Variants in SLC25A26 observed in about 807,000 individuals in gnomAD.
SLC25A26 encodes mitochondrial S-adenosylmethionine carrier protein.
SLC25A26 carries 36 observed loss-of-function variants against 37.8 expected under a neutral mutation model. That is an observed-to-expected ratio of 0.95 (90% CI 0.73 to 1.26). SLC25A26 has a LOEUF of 1.26. Among genes scored for constraint, SLC25A26 ranks in the 50% most tolerant of loss-of-function variants. The probability of loss-of-function intolerance (pLI) is 0.00; values close to 1 mark genes in which losing one functional copy is unlikely to be tolerated. For missense variants in SLC25A26, 390 were observed against 331.1 expected (o/e 1.18, Z -1.38); for synonymous variants, 129 against 122.5 (o/e 1.05, Z -0.35).
rs570007177 is a variant in SLC25A26, at chr3:66,275,048, A to G, written c.453+11669A>G. 6.6e-5 allele frequency among the ~76,000 whole-genome samples: 10 copies of G among 152,262 alleles called. No homozygotes were observed. In the East Asian group the frequency reaches 1.9e-3, roughly 29 times the overall value. ...TGGATTAAGAAAATGTGGCACATAT[A>G]CACCATGGAATACTACGCAGCCATA... On this transcript the variant is annotated intron_variant, in intron 5 of 9. Coordinates refer to ENST00000354883, the MANE Select transcript of SLC25A26 (RefSeq NM_001379210.1).
intron 6 of SLC25A26, among the ~76,000 whole-genome samples, chr3:66,354,742 A>T (rs2076537097): frequency 6.6e-6 from 1 of 152,108 alleles, no homozygotes; most frequent in South Asian, 2.1e-4. Context: ...ACCCAGTGGG[A>T]GGGGATTGAA....
intron 9 of SLC25A26, among the ~76,000 whole-genome samples, chr3:66,376,301 T>C (rs956664600): frequency 6.6e-6 from 1 of 152,194 alleles, no homozygotes; most frequent in Admixed American, 6.5e-5. Flanking sequence ...GTTGAGACGG[T>C]TGACTCCAAT....
intron 5 of SLC25A26, among the ~76,000 whole-genome samples, chr3:66,285,977 T>A (rs899331100): frequency 6.6e-6 from 1 of 152,256 alleles, no homozygotes; most frequent in African/African-American, 2.4e-5. Context: ...ATGTTGAACA[T>A]CTTTTCATAT....
intron 1 of SLC25A26, among the ~76,000 whole-genome samples, chr3:66,200,285 G>A (rs1379802131): frequency 6.6e-6 from 1 of 152,150 alleles, no homozygotes; most frequent in Non-Finnish European, 1.5e-5. Context: ...GTTGTGCTTG[G>A]CTGCACCTAC....
chr3:66,269,430 C>T (rs556453757), intron 5 of SLC25A26, among the ~76,000 whole-genome samples: 10 of 152,282 alleles, frequency 6.6e-5, no homozygotes, highest in African/African-American at 2.2e-4. Context: ...AAAAAAATTG[C>T]AACCTGCAGT....
intron 5 of SLC25A26, among the ~76,000 whole-genome samples, chr3:66,326,800 A>G (rs2075849829): frequency 6.6e-6 from 1 of 152,184 alleles, no homozygotes; most frequent in South Asian, 2.1e-4. Context: ...AAGAATACCA[A>G]GAAAAAGGAC....
At chr3:66,200,175 G>T (rs1466655732) in intron 1 of SLC25A26, among the ~76,000 whole-genome samples, 2 of 152,146 alleles carry the variant, frequency 1.3e-5, no homozygotes, top group African/African-American at 4.8e-5. Flanking sequence ...TATCCCTATG[G>T]CAGTCGATGA....
At position 66,204,634 on chromosome 3, in the gene SLC25A26, A is replaced by C. The variant is rs1279562534; in HGVS notation, c.-353-16108A>C. Reference sequence around the variant, plus strand: ...AGCAAGAACATTGTCTATCTTGTTCATCTATATTCCTAGAGTCAGAACATT... The same window carrying C: ...AGCAAGAACATTGTCTATCTTGTTCCTCTATATTCCTAGAGTCAGAACATT... On this transcript the variant is annotated intron_variant, in intron 1 of 10. Transcript: ENST00000676754. Among the ~76,000 whole-genome samples, 5 of 152,264 alleles carry C rather than the reference A, an allele frequency of 3.3e-5. No homozygotes were observed. The East Asian group carries it at 9.6e-4, about 29-fold the overall frequency.
intron 5 of SLC25A26, among the ~76,000 whole-genome samples, chr3:66,286,603 G>C (rs1177345256): frequency 6.6e-6 from 1 of 152,054 alleles, no homozygotes; most frequent in African/African-American, 2.4e-5. Flanking sequence ...TTAGGTGTTT[G>C]TTTTCATATT....
At chr3:66,181,921 A>C (rs1425157932) in intron 1 of SLC25A26, among the ~76,000 whole-genome samples, 1 of 151,742 alleles carries the variant, frequency 6.6e-6, no homozygotes, top group Non-Finnish European at 1.5e-5. Context: ...TGCATGAGCA[A>C]GCCTGCCTGG....
intron 5 of SLC25A26, among the ~76,000 whole-genome samples, chr3:66,299,293 A>G (rs2075001905): frequency 6.6e-6 from 1 of 152,064 alleles, no homozygotes. Context: ...CTGGGTTCCA[A>G]GCGATTCTCA....
intron 1 of SLC25A26, among the ~76,000 whole-genome samples, chr3:66,228,723 A>G (rs558859555): frequency 6.6e-6 from 1 of 152,228 alleles, no homozygotes; most frequent in Non-Finnish European, 1.5e-5. Context: ...AAAAGTGCTT[A>G]TGCAACTTTT....
chr3:66,275,200 A>G (rs533769508), intron 5 of SLC25A26, among the ~76,000 whole-genome samples: 124 of 139,862 alleles, frequency 8.9e-4, no homozygotes, highest in African/African-American at 2.8e-3. Flanking sequence ...GAATTGAACA[A>G]TGAGAACACA....
chr3:66,326,641 C>T (rs747625603), intron 5 of SLC25A26, among the ~76,000 whole-genome samples: 1 of 152,204 alleles, frequency 6.6e-6, no homozygotes, highest in Non-Finnish European at 1.5e-5. Context: ...CTGGACAAGC[C>T]TGGGTTCCCG....
chr3:66,173,070 C>G (rs1376998257), intron 1 of SLC25A26, among the ~76,000 whole-genome samples: 1 of 152,198 alleles, frequency 6.6e-6, no homozygotes, highest in Non-Finnish European at 1.5e-5. Context: ...TGGCCCTGCT[C>G]TCTGTGTTTA....
chr3:66,215,683 C>T (rs1004666892), intron 1 of SLC25A26, among the ~76,000 whole-genome samples: 190 of 152,282 alleles, frequency 1.2e-3, no homozygotes, highest in African/African-American at 4.3e-3. Flanking sequence ...TTGATTCTAT[C>T]ACTTAAAGGA....
intron 1 of SLC25A26, among the ~76,000 whole-genome samples, chr3:66,161,729 A>C (rs1287382980): frequency 6.6e-6 from 1 of 152,216 alleles, no homozygotes; most frequent in Non-Finnish European, 1.5e-5. Context: ...TATGGGCAAC[A>C]TACATTTGCC....
intron 7 of SLC25A26, among the ~76,000 whole-genome samples, chr3:66,369,050 C>CAA (rs962307090): frequency 1.1e-4 from 2 of 18,702 alleles, no homozygotes; most frequent in African/African-American, 4.6e-4. Context: ...AAAACAAAAA[C>CAA]AAAAAAAAAA....
chr3:66,371,236 A>C (rs1317109817), intron 9 of SLC25A26: 1 of 1,539,344 alleles, frequency 6.5e-7, no homozygotes, highest in Non-Finnish European at 8.8e-7. Flanking sequence ...GCAAGAGCAA[A>C]GCAGTGGCCT....
Sources: allele counts gnomAD v4.1 joint callset (sites outside exome capture counted in the v4.1 genomes callset), GRCh38; gene constraint gnomAD v4.1.1; transcripts MANE v1.5; gene names NCBI Gene and HGNC (gene_info 2026-07-23, HGNC 2026-07-21).